The following PLXNA4 variants were observed in gnomAD, a reference collection of about 807,000 sequenced individuals.
PLXNA4 encodes plexin-A4.
A neutral mutation model predicts 191.8 loss-of-function variants in PLXNA4; 44 were observed. That is an observed-to-expected ratio of 0.23 (90% CI 0.18 to 0.29). The LOEUF (loss-of-function observed/expected upper bound fraction) is 0.29, where lower values mean the gene tolerates loss of function less well. Among genes scored for constraint, PLXNA4 ranks in the 10% least tolerant of loss-of-function variants. The pLI is 1.00. For missense variants in PLXNA4, 1,800 were observed against 2,488.8 expected (o/e 0.72, Z 5.89); for synonymous variants, 1,082 against 1,009.5 (o/e 1.07, Z -1.36).
intron 21 of PLXNA4, among the ~76,000 whole-genome samples, chr7:132,173,136 C>T (rs1796343873): frequency 6.6e-6 from 1 of 152,184 alleles, no homozygotes; most frequent in Admixed American, 6.5e-5. Flanking sequence ...ATGGTCTTAT[C>T]TTCTTGTCCC....
intron 4 of PLXNA4, among the ~76,000 whole-genome samples, chr7:132,259,510 C>T (rs893614367): frequency 6.8e-6 from 1 of 146,002 alleles, no homozygotes; most frequent in Non-Finnish European, 1.5e-5. Context: ...GAAAACCAGC[C>T]CATGGTATTC....
rs201571349 is a variant in PLXNA4, at chr7:132,508,581, C to T, written c.113G>A (p.Arg38Gln). Residue 38 changes from arginine (R) to glutamine (Q), a missense_variant, in exon 2 of 32, where the codon CGG becomes CAG. By Grantham distance (43) the Arg-to-Gln change is conservative. Around this residue, in one of 6 missense-constraint regions of PLXNA4, gnomAD observed 1,397 missense variants for 1,880.4 expected, o/e 0.74. Transcript: ENST00000321063. This position sits in a 1 kb window ranked among gnomAD's most constrained non-coding sequence, Gnocchi z 4.4. The stretch of plus-strand genomic sequence containing the variant: ...CTCTCCTCGGAATGTGACAAATGAC[C>T]GCTGCTTCTGGGACAGCGGGGCTGG... ...RQPAPLSQKQ[R>Q]SFVTFRGEPA... The T allele has an allele frequency of 2.4e-4, 388 of 1,614,048 alleles. No homozygotes were observed. The highest frequency in any genetic ancestry group is 8.2e-4 in the Middle Eastern group (5 of 6,062).
chr7:132,221,806 T>C (rs1174468306), intron 9 of PLXNA4, among the ~76,000 whole-genome samples: 1 of 152,196 alleles, frequency 6.6e-6, no homozygotes, highest in Non-Finnish European at 1.5e-5. Context: ...CATGAACAGA[T>C]TCCCACAGAG....
chr7:132,367,708 T>A (rs957693318), intron 3 of PLXNA4: 1 of 151,880 alleles, frequency 6.6e-6, no homozygotes, highest in African/African-American at 2.4e-5. Context: ...TGACCACAGG[T>A]TGGAGCAGTG....
intron 3 of PLXNA4, chr7:132,385,234 G>A: frequency 2.5e-6 from 4 of 1,614,096 alleles, no homozygotes; most frequent in Non-Finnish European, 2.5e-6. Context: ...AGTCACTGTT[G>A]CTCTGTGGGA....
intron 1 of PLXNA4, among the ~76,000 whole-genome samples, chr7:132,526,048 T>A (rs1363180669): frequency 1.3e-5 from 2 of 152,226 alleles, no homozygotes; most frequent in African/African-American, 4.8e-5. Flanking sequence ...CTCAAGGCAC[T>A]TTCACATCTA....
At chr7:132,644,576 G>A (rs1188532464) in intron 2 of PLXNA4, among the ~76,000 whole-genome samples, 1 of 152,110 alleles carries the variant, frequency 6.6e-6, no homozygotes. Context: ...CAATTCAGGG[G>A]AGAACATTAC....
chr7:132,442,434 A>T (rs925239029), intron 3 of PLXNA4, among the ~76,000 whole-genome samples: 4 of 152,234 alleles, frequency 2.6e-5, no homozygotes, highest in African/African-American at 9.6e-5. Flanking sequence ...AAGTTTTAAC[A>T]GATGTCCTTT....
intron 5 of PLXNA4, among the ~76,000 whole-genome samples, chr7:132,230,229 G>A (rs908654450): frequency 3.3e-5 from 5 of 152,134 alleles, no homozygotes; most frequent in African/African-American, 7.2e-5. Context: ...GGACAAAGAC[G>A]CACCCTGCGG....
At chr7:132,637,032 G>A (rs189984148) in intron 2 of PLXNA4, among the ~76,000 whole-genome samples, 2 of 152,306 alleles carry the variant, frequency 1.3e-5, no homozygotes. Flanking sequence ...ACAGTGCTTT[G>A]TAGAAATGCT....
intron 9 of PLXNA4, among the ~76,000 whole-genome samples, chr7:132,213,282 T>C (rs749750000): frequency 3.9e-5 from 6 of 152,286 alleles, no homozygotes; most frequent in Non-Finnish European, 8.8e-5. Context: ...GAGCCTCAGT[T>C]GGGGATGGTG....
intron 21 of PLXNA4, among the ~76,000 whole-genome samples, chr7:132,172,968 C>A (rs2116688981): frequency 6.6e-6 from 1 of 152,276 alleles, no homozygotes; most frequent in Middle Eastern, 3.4e-3. Context: ...CACCTTAATT[C>A]AGCCAAACAC....
chr7:132,525,377 G>A (rs1193287328), intron 1 of PLXNA4, among the ~76,000 whole-genome samples: 1 of 151,888 alleles, frequency 6.6e-6, no homozygotes, highest in East Asian at 1.9e-4. Flanking sequence ...AGCCTTCTGG[G>A]TAGCTGGGAC....
chr7:132,232,227 A>T (rs1046351868), intron 5 of PLXNA4, among the ~76,000 whole-genome samples: 7 of 152,120 alleles, frequency 4.6e-5, no homozygotes, highest in Admixed American at 1.3e-4. Flanking sequence ...TCATTCCAAG[A>T]GGCCTCAGGT....
At chr7:132,363,565 A>G (rs1804033525) in intron 3 of PLXNA4, among the ~76,000 whole-genome samples, 1 of 152,164 alleles carries the variant, frequency 6.6e-6, no homozygotes, top group African/African-American at 2.4e-5. Flanking sequence ...TATTATATGG[A>G]TAGACCACAT....
chr7:132,635,759 A>G (rs531426746), intron 2 of PLXNA4, among the ~76,000 whole-genome samples: 38 of 152,272 alleles, frequency 2.5e-4, no homozygotes, highest in Middle Eastern at 6.8e-3. Context: ...CACGTTTAAT[A>G]CTTAACAACA....
At chr7:132,355,516 A>G (rs927966905) in intron 3 of PLXNA4, among the ~76,000 whole-genome samples, 3 of 152,140 alleles carry the variant, frequency 2.0e-5, no homozygotes, top group African/African-American at 7.2e-5. Flanking sequence ...TGGACAAATG[A>G]GACTGTTGGG....
intron 4 of PLXNA4, among the ~76,000 whole-genome samples, chr7:132,282,159 T>A (rs1035040726): frequency 4.6e-5 from 7 of 152,220 alleles, no homozygotes; most frequent in Non-Finnish European, 1.0e-4. Context: ...ATAAATTTTT[T>A]TTATTATTAT....
At chr7:132,506,597 T>A (rs1352600017) in intron 2 of PLXNA4, among the ~76,000 whole-genome samples, 2 of 152,194 alleles carry the variant, frequency 1.3e-5, no homozygotes. Context: ...AGGACCATTG[T>A]GAAGAGGAAC....
Sources: allele counts gnomAD v4.1 joint callset (sites outside exome capture counted in the v4.1 genomes callset), GRCh38; gene constraint gnomAD v4.1.1; regional missense constraint gnomAD v4.1.1; non-coding constraint Gnocchi (gnomAD v3.1); transcripts MANE v1.5; gene names NCBI Gene and HGNC (gene_info 2026-07-23, HGNC 2026-07-21).